IFT27: variants seen among roughly 807,000 people sequenced by gnomAD.
The protein encoded by IFT27 is intraflagellar transport protein 27 homolog.
IFT27 carries 19 observed loss-of-function variants against 23.9 expected under a neutral mutation model. The ratio of observed to expected loss-of-function variants is 0.79; its 90% CI spans 0.55 to 1.16. The LOEUF is 1.16. Among genes scored for constraint, IFT27 ranks in the 50% most tolerant of loss-of-function variants. The probability of loss-of-function intolerance (pLI) is 0.00; values close to 1 mark genes in which losing one functional copy is unlikely to be tolerated. For missense variants in IFT27, 206 were observed against 228.7 expected, an observed-to-expected ratio of 0.90 and a Z score of 0.64; for synonymous variants, 91 against 89.1, an observed-to-expected ratio of 1.02 and a Z score of -0.12.
chr22:36,764,030 T>G lies in IFT27; in HGVS notation c.241A>C (p.Ser81Arg). 6.2e-7 allele frequency: 1 copy of G among 1,603,930 alleles called. No homozygotes were observed. The highest frequency in any genetic ancestry group is 8.5e-7 in the Non-Finnish European group (1 of 1,170,656). Residue 81 changes from serine (S) to arginine (R), a missense_variant, in exon 5 of 7, where the codon AGT (serine) becomes CGT (arginine). By Grantham distance (110) the Ser-to-Arg change is moderately radical. Coordinates refer to ENST00000433985, the MANE Select transcript of IFT27 (RefSeq NM_001177701.3). ...FSEMLDKLWESPNVLCLVYDV... is the reference protein window; with the variant it reads ...FSEMLDKLWERPNVLCLVYDV... The stretch of plus-strand genomic sequence containing the variant: ...TAGACGAGACATAAGACATTGGGAC[T>G]CTCCCACTGTGCAAGAGGGACAGGA...
Position 36,767,318 on chromosome 22 carries a change from CGT to C in IFT27, c.160_161del (p.Thr54GlyfsTer10). ...LVVKTVPVPD[T>X]GDSVELFIFD... ...AGGCATCACTCACCACACTGTCTCC[CGT>C]GTCAGGAACTGGCACTGTCTTCACC... On this transcript the variant is annotated frameshift_variant, in exon 3 of 7. Coordinates refer to ENST00000433985, the MANE Select transcript of IFT27 (RefSeq NM_001177701.3). LOFTEE classifies it high-confidence loss of function. The C allele has an allele frequency of 6.2e-7, 1 of 1,613,718 alleles. No homozygotes were observed. Among genetic ancestry groups the C allele is most frequent in the Non-Finnish European group, 8.5e-7 (1 of 1,179,736 alleles).
intron 1 of IFT27, 40 bp downstream of exon 1, chr22:36,775,634 C>G (rs1470157433): frequency 6.2e-7 from 1 of 1,611,512 alleles, no homozygotes; most frequent in South Asian, 1.1e-5. Context: ...GCTCTGGACT[C>G]CAGAGACCAC....
At chr22:36,769,024 G>T (rs989638462) in intron 1 of IFT27, among the ~76,000 whole-genome samples, 2 of 152,130 alleles carry the variant, frequency 1.3e-5, no homozygotes, top group Non-Finnish European at 2.9e-5. Flanking sequence ...TCACTTTTCA[G>T]TTTTGACTTT....
chr22:36,765,608 G>A (rs957474046), intron 4 of IFT27, among the ~76,000 whole-genome samples: 18 of 152,190 alleles, frequency 1.2e-4, no homozygotes, highest in African/African-American at 4.3e-4. Context: ...CCAGATTAGT[G>A]AGACTGTTAC....
chr22:36,763,064 A>C (rs1938140515), intron 5 of IFT27, 51 bp from the exon 6 acceptor site: 1 of 1,367,110 alleles, frequency 7.3e-7, no homozygotes, highest in Admixed American at 1.8e-5. Flanking sequence ...ACACTCTGGA[A>C]GGACAGCGGG....
At position 36,763,980 on chromosome 22, in the gene IFT27, G is replaced by A; in HGVS notation, c.291C>T (p.Phe97=). ...TCTCCAGCCACTTGCTGCAGTTGTT[G>A]AAGGATTCTTCATTGGTCACATCAT... ...LVYDVTNEES[F]NNCSKWLEKA... Residue 97 remains phenylalanine (F), a synonymous_variant, in exon 5 of 7, where the codon TTC becomes TTT. Transcript: ENST00000433985. 6.2e-7 allele frequency: 1 copy of A among 1,614,222 alleles called. No homozygotes were observed. The highest frequency in any genetic ancestry group is 8.5e-7 in the Non-Finnish European group (1 of 1,180,026).
At chr22:36,766,763 C>T (rs981843854) in intron 3 of IFT27, among the ~76,000 whole-genome samples, 5 of 151,998 alleles carry the variant, frequency 3.3e-5, no homozygotes, top group African/African-American at 1.2e-4. Context: ...GGCTGGTCCC[C>T]TAGGAAATCA....
At chr22:36,773,980 C>A (rs1328018563) in intron 1 of IFT27, among the ~76,000 whole-genome samples, 1 of 152,100 alleles carries the variant, frequency 6.6e-6, no homozygotes, top group African/African-American at 2.4e-5. Context: ...TAAAAAGAAC[C>A]CAGAGAGAAG....
chr22:36,774,615 C>G (rs749115497), intron 1 of IFT27, among the ~76,000 whole-genome samples: 5 of 151,684 alleles, frequency 3.3e-5, no homozygotes, highest in Non-Finnish European at 7.4e-5. Flanking sequence ...CGAGACCAGT[C>G]TGGCCAACAT....
At position 36,764,082 on chromosome 22, in the gene IFT27, TGACTTCAAGGCTGGGA is replaced by T. The variant is rs747999331; in HGVS notation, c.235-62_235-47del. The stretch of plus-strand genomic sequence containing the variant: ...GAGTATGGGTCAGTAACAGGAAAAG[TGACTTCAAGGCTGGGA>T]GACAATTTGGCCTTCCAAGGGAAAG... On this transcript the variant is annotated intron_variant, in intron 4 of 6. Coordinates refer to ENST00000433985, the MANE Select transcript of IFT27 (RefSeq NM_001177701.3). The T allele has an allele frequency of 5.0e-6, 7 of 1,390,594 alleles. No homozygotes were observed. The East Asian group carries it at 1.4e-4, about 27-fold the overall frequency. The allele number at this position is 1,390,594 out of a possible 1,614,324, so 86.1% of individuals were successfully genotyped here.
chr22:36,772,471 T>A, intron 1 of IFT27: 2 of 983,018 alleles, frequency 2.0e-6, no homozygotes, highest in Non-Finnish European at 2.4e-6. Context: ...ATTTAAGTGT[T>A]TTTTTAAAAG....
chr22:36,772,661 T>C (rs1371689864), intron 1 of IFT27: 2 of 985,332 alleles, frequency 2.0e-6, no homozygotes, highest in East Asian at 1.1e-4. Context: ...AACTGACTCA[T>C]GCTTGCAGGC....
intron 1 of IFT27, among the ~76,000 whole-genome samples, chr22:36,770,518 G>T (rs867955761): frequency 2.0e-5 from 3 of 152,162 alleles, no homozygotes; most frequent in Admixed American, 2.0e-4. Flanking sequence ...ACCCGTGTGC[G>T]TTGCCACTAG....
chr22:36,770,066 C>T (rs1445542100), intron 1 of IFT27, among the ~76,000 whole-genome samples: 1 of 152,098 alleles, frequency 6.6e-6, no homozygotes, highest in Admixed American at 6.5e-5. Flanking sequence ...TGGGAAGCAT[C>T]GAGAAAAGAA....
chr22:36,758,495 G>A, intron 6 of IFT27, 86 bp from the exon 7 acceptor site: 2 of 1,001,294 alleles, frequency 2.0e-6, no homozygotes, highest in Non-Finnish European at 3.2e-6. Context: ...TCATTCGGGG[G>A]CTACCTACTT....
rs757276450 is a variant in IFT27, at chr22:36,762,903, C to G, written c.462+1G>C. ...GCGACGAGGCAAGTGGAAATACTCACCACGGATGTTTCAAAACATTCCAGG... is the reference window on the plus strand; with the variant it reads ...GCGACGAGGCAAGTGGAAATACTCAGCACGGATGTTTCAAAACATTCCAGG... On this transcript the variant is annotated splice_donor_variant, in intron 6 of 6. Transcript: ENST00000433985. LOFTEE classifies it high-confidence loss of function. 2 of 1,563,142 alleles carry G rather than the reference C, an allele frequency of 1.3e-6. No homozygotes were observed. Among genetic ancestry groups the G allele is most frequent in the South Asian group, 2.4e-5 (2 of 84,044 alleles).
intron 6 of IFT27, 141 bp downstream of exon 6, chr22:36,762,763 G>A (rs1485327033): frequency 2.1e-5 from 10 of 475,502 alleles, no homozygotes; most frequent in African/African-American, 6.0e-5. Flanking sequence ...AAGAGATCTC[G>A]GGTAAGAATG....
rs35651506 is a variant in IFT27, at chr22:36,773,654, C to CAAAA, written c.34+2016_34+2019dup. ...AGGCAATGAGAGTGAAACTCCGTCTCAAAAAAAAAAAAAAAAAAAATAGAA... is the reference window on the plus strand; with the variant it reads ...AGGCAATGAGAGTGAAACTCCGTCTCAAAAAAAAAAAAAAAAAAAAAAAATAGAA... On this transcript the variant is annotated intron_variant, in intron 1 of 6. Coordinates refer to ENST00000433985, the MANE Select transcript of IFT27 (RefSeq NM_001177701.3). 1.4e-3 allele frequency among the ~76,000 whole-genome samples: 157 copies of CAAAA among 109,984 alleles called. 4 individuals are homozygous for CAAAA. The highest frequency in any genetic ancestry group is 2.6e-3 in the South Asian group (8 of 3,066). 72.2% of individuals were successfully genotyped at this position (109,984 alleles called of 152,430 possible).
intron 6 of IFT27, 32 bp downstream of exon 6, chr22:36,762,872 G>T: frequency 6.8e-7 from 1 of 1,461,194 alleles, no homozygotes; most frequent in South Asian, 1.3e-5. Context: ...GCCCACTCCA[G>T]ACTTGGCGAC....
Sources: allele counts gnomAD v4.1 joint callset (sites outside exome capture counted in the v4.1 genomes callset), GRCh38; gene constraint gnomAD v4.1.1; transcripts MANE v1.5; gene names NCBI Gene and HGNC (gene_info 2026-07-23, HGNC 2026-07-21).